The following USP48 variants were observed in gnomAD, a reference collection of about 807,000 sequenced individuals.
The protein encoded by USP48 is ubiquitin specific peptidase 48, also known as ubiquitin carboxyl-terminal hydrolase 48.
USP48 carries 43 observed loss-of-function variants against 150.7 expected under a neutral mutation model. The ratio of observed to expected loss-of-function variants is 0.29; its 90% CI spans 0.22 to 0.37. The LOEUF is 0.37. Among genes scored for constraint, USP48 ranks in the 10% least tolerant of loss-of-function variants. USP48 has a pLI of 1.00. For synonymous variants in USP48, 396 were observed against 425.9 expected, an observed-to-expected ratio of 0.93 and a Z score of 0.86; for missense variants, 813 against 1,249.6, an observed-to-expected ratio of 0.65 and a Z score of 5.27.
intron 16 of USP48, 65 bp downstream of exon 16, chr1:21,706,679 T>A (rs2097673527): frequency 1.9e-6 from 3 of 1,610,536 alleles, no homozygotes; most frequent in East Asian, 2.2e-5. Flanking sequence ...CAGTGTTAAT[T>A]CCCCTGGGAA....
At chr1:21,770,259 A>T (rs2097875544) in intron 1 of USP48, among the ~76,000 whole-genome samples, 1 of 152,080 alleles carries the variant, frequency 6.6e-6, no homozygotes, top group Admixed American at 6.6e-5. Context: ...CAGAAGCAGA[A>T]GGAATGACAA....
chr1:21,751,261 A>T (rs2097812430), intron 6 of USP48, among the ~76,000 whole-genome samples: 1 of 152,230 alleles, frequency 6.6e-6, no homozygotes, highest in African/African-American at 2.4e-5. Flanking sequence ...CCACAATCAC[A>T]GAATAATATC....
intron 1 of USP48, among the ~76,000 whole-genome samples, chr1:21,780,855 C>T (rs1351027072): frequency 6.7e-6 from 1 of 149,594 alleles, no homozygotes; most frequent in African/African-American, 2.5e-5. Flanking sequence ...GGTTCTCCTG[C>T]CTCAGCCACC....
At chr1:21,744,706 G>C (rs2097790086) in intron 8 of USP48, among the ~76,000 whole-genome samples, 2 of 143,044 alleles carry the variant, frequency 1.4e-5, no homozygotes, top group Admixed American at 7.4e-5. Context: ...GAACCCAGGA[G>C]ATGGAGGGTG....
At chr1:21,757,873 C>A in intron 1 of USP48, 90 bp from the exon 2 acceptor site, 1 of 1,426,706 alleles carries the variant, frequency 7.0e-7, no homozygotes, top group South Asian at 1.5e-5. Context: ...TACCACTTCT[C>A]ATCTATAAAT....
intron 15 of USP48, 99 bp from the exon 16 acceptor site, chr1:21,706,967 G>T: frequency 7.7e-7 from 1 of 1,294,288 alleles, no homozygotes; most frequent in Non-Finnish European, 1.0e-6. Context: ...CCACAGGTAC[G>T]CTTTTCTTGC....
intron 14 of USP48, among the ~76,000 whole-genome samples, chr1:21,719,529 C>A (rs1023575156): frequency 2.0e-5 from 3 of 152,170 alleles, no homozygotes; most frequent in Non-Finnish European, 4.4e-5. Flanking sequence ...GTGGGAGGAT[C>A]GCTTGAGCAC....
chr1:21,735,857 C>T (rs1439724788), intron 9 of USP48, among the ~76,000 whole-genome samples: 1 of 149,760 alleles, frequency 6.7e-6, no homozygotes, highest in Non-Finnish European at 1.5e-5. Context: ...CATTGCACTC[C>T]AGCCTGGACA....
intron 25 of USP48, among the ~76,000 whole-genome samples, chr1:21,684,326 T>A (rs1267652829): frequency 6.6e-6 from 1 of 152,208 alleles, no homozygotes; most frequent in Non-Finnish European, 1.5e-5. Context: ...CCATGCTAAC[T>A]GATAAGATGG....
At chr1:21,747,189 AATC>A in intron 7 of USP48, 40 bp from the exon 8 acceptor site, 1 of 1,434,902 alleles carries the variant, frequency 7.0e-7, no homozygotes, top group Non-Finnish European at 9.7e-7. Context: ...CATTTAAAAC[AATC>A]ATAATACAAT....
At chr1:21,769,655 C>G (rs1421608886) in intron 1 of USP48, among the ~76,000 whole-genome samples, 1 of 152,134 alleles carries the variant, frequency 6.6e-6, no homozygotes, top group Non-Finnish European at 1.5e-5. Context: ...CAAGTGTCCA[C>G]CTACCTCAGC....
intron 14 of USP48, among the ~76,000 whole-genome samples, chr1:21,719,102 C>T (rs2097712493): frequency 6.8e-6 from 1 of 148,114 alleles, no homozygotes; most frequent in African/African-American, 2.5e-5. Flanking sequence ...CCCATCTCCA[C>T]TAAAATACAA....
chr1:21,763,376 A>G (rs1384541622), intron 1 of USP48, among the ~76,000 whole-genome samples: 1 of 152,182 alleles, frequency 6.6e-6, no homozygotes, highest in African/African-American at 2.4e-5. Context: ...GGGAACCAAA[A>G]AGCCAATGGC....
At chr1:21,719,841 G>A (rs918804625) in intron 14 of USP48, among the ~76,000 whole-genome samples, 4 of 152,166 alleles carry the variant, frequency 2.6e-5, no homozygotes, top group East Asian at 1.9e-4. Flanking sequence ...CCGAGACTGC[G>A]TCACTGCACT....
intron 1 of USP48, chr1:21,768,295 G>T: frequency 5.9e-6 from 1 of 170,394 alleles, no homozygotes; most frequent in South Asian, 1.6e-4. Flanking sequence ...GCCCTACAGA[G>T]ACTGAGCAGT....
In USP48 at chr1:21,756,529, C is replaced by T. The variant is rs750484958; in HGVS notation, c.412+17G>A. On this transcript the variant is annotated intron_variant, in intron 3 of 26. Transcript: ENST00000308271. ...AATGTTCAGGAAGAGAGCTCTCCCCCACCCCTTTCCACCCACCTTTTTCTT... is the reference window on the plus strand; with the variant it reads ...AATGTTCAGGAAGAGAGCTCTCCCCTACCCCTTTCCACCCACCTTTTTCTT... 5 of 1,570,984 alleles carry T rather than the reference C, an allele frequency of 3.2e-6. No individual in the cohort carries two copies. The South Asian group carries it at 4.8e-5, about 15-fold the overall frequency.
rs6689260 is a variant in USP48 at position 21,701,618 on chromosome 1, C to A, written c.2623-16G>T. The A allele has an allele frequency of 0.054, 86,953 of 1,611,612 alleles. 2,597 individuals carry two copies. Among genetic ancestry groups the A allele is most frequent in the Middle Eastern group, 0.083 (501 of 6,054 alleles). On this transcript the variant is annotated splice_polypyrimidine_tract_variant and intron_variant, in intron 21 of 26. Coordinates refer to ENST00000308271, the MANE Select transcript of USP48 (RefSeq NM_032236.8). The stretch of plus-strand genomic sequence containing the variant: ...CCTTCATCACCTGAATGTGCCAGGA[C>A]AACAAAGAGAAGTAGGTCAGACCCT...
chr1:21,713,384 C>A (rs941542180), intron 15 of USP48, among the ~76,000 whole-genome samples: 2 of 152,176 alleles, frequency 1.3e-5, no homozygotes, highest in Admixed American at 1.3e-4. Flanking sequence ...GCTGGGATTA[C>A]AGGTGTGAAG....
At chr1:21,709,489 C>T (rs905843901) in intron 15 of USP48, among the ~76,000 whole-genome samples, 5 of 151,254 alleles carry the variant, frequency 3.3e-5, no homozygotes, top group African/African-American at 7.3e-5. Flanking sequence ...TGAAATACAA[C>T]GTAACCATAA....
Sources: allele counts gnomAD v4.1 joint callset (sites outside exome capture counted in the v4.1 genomes callset), GRCh38; gene constraint gnomAD v4.1.1; transcripts MANE v1.5; gene names NCBI Gene and HGNC (gene_info 2026-07-23, HGNC 2026-07-21).